The following TMEM260 variants were observed in gnomAD, a reference collection of about 807,000 sequenced individuals.
TMEM260 encodes transmembrane protein 260.
Under a neutral mutation model 88.9 loss-of-function variants are expected in TMEM260, and 82 were observed. That is an observed-to-expected ratio of 0.92 (90% CI 0.77 to 1.11). The LOEUF (loss-of-function observed/expected upper bound fraction) is 1.11. Among genes scored for constraint, TMEM260 ranks in the 50% least tolerant of loss-of-function variants. The probability of loss-of-function intolerance (pLI) is 0.00; values close to 1 mark genes in which losing one functional copy is unlikely to be tolerated. For synonymous variants in TMEM260, 314 were observed against 309.3 expected (o/e 1.02, Z -0.16); for missense variants, 902 against 853.4 (o/e 1.06, Z -0.71).
At chr14:56,582,508 C>G (rs1486021670) in intron 1 of TMEM260, among the ~76,000 whole-genome samples, 1 of 152,188 alleles carries the variant, frequency 6.6e-6, no homozygotes, top group African/African-American at 2.4e-5. Context: ...AAAGGTTAAG[C>G]ATCTGCTGAC....
intron 12 of TMEM260, among the ~76,000 whole-genome samples, chr14:56,630,980 T>C (rs1888554005): frequency 6.6e-6 from 1 of 152,120 alleles, no homozygotes. Flanking sequence ...GCGGCGAGTG[T>C]GTGAGTTACT....
At chr14:56,654,616 C>G (rs1284160489), downstream of TMEM260, among the ~76,000 whole-genome samples, 1 of 151,720 alleles carries the variant, frequency 6.6e-6, no homozygotes, top group African/African-American at 2.4e-5. Flanking sequence ...GTCAGGAGTT[C>G]GAGACCAGCC....
Position 56,603,958 on chromosome 14 carries a change from T to C in TMEM260, c.488T>C (p.Phe163Ser), listed in dbSNP as rs942317318. Residue 163 changes from phenylalanine (F) to serine (S), a missense_variant, in exon 4 of 16, where the codon TTT becomes TCT. By Grantham distance (155) the Phe-to-Ser change is radical. Transcript: ENST00000261556. ...VGLLMALTVH[F>S]EEAATAKERS... The stretch of plus-strand genomic sequence containing the variant: ...CTGCTTATGGCTCTTACTGTACATT[T>C]TGAGGAAGCAGCAACTGCTAAGGAG... The C allele has an allele frequency of 1.3e-6, 2 of 1,596,916 alleles. No homozygotes were observed. Among genetic ancestry groups the C allele is most frequent in the African/African-American group, 2.7e-5 (2 of 73,488 alleles).
chr14:56,628,323 C>A (rs982185801), intron 12 of TMEM260, among the ~76,000 whole-genome samples: 1 of 152,216 alleles, frequency 6.6e-6, no homozygotes, highest in Admixed American at 6.5e-5. Flanking sequence ...TACGCAACCT[C>A]TGTCAAATAT....
At chr14:56,629,653 C>T (rs1888459552) in intron 12 of TMEM260, among the ~76,000 whole-genome samples, 1 of 152,186 alleles carries the variant, frequency 6.6e-6, no homozygotes, top group East Asian at 1.9e-4. Flanking sequence ...TTTCCTTTAT[C>T]TGAAAATGTC....
chr14:56,581,666 T>C (rs1177917567), intron 1 of TMEM260, among the ~76,000 whole-genome samples: 1 of 152,260 alleles, frequency 6.6e-6, no homozygotes, highest in Non-Finnish European at 1.5e-5. Flanking sequence ...ATATGGGTTG[T>C]TGTTTTAACC....
chr14:56,640,907 A>G (rs1428824560), intron 15 of TMEM260, among the ~76,000 whole-genome samples: 1 of 152,192 alleles, frequency 6.6e-6, no homozygotes, highest in Non-Finnish European at 1.5e-5. Flanking sequence ...GCGATGGACA[A>G]TGAAATGAAT....
chr14:56,650,735 G>T, downstream of TMEM260: 1 of 148,712 alleles, frequency 6.7e-6, no homozygotes, highest in Non-Finnish European at 1.5e-5. Flanking sequence ...AAGTCATCAG[G>T]CTAGGATATG....
intron 4 of TMEM260, among the ~76,000 whole-genome samples, chr14:56,605,218 TAGG>T (rs1423807490): frequency 6.6e-6 from 1 of 152,226 alleles, no homozygotes; most frequent in Admixed American, 6.5e-5. Flanking sequence ...ATTTGTTTAA[TAGG>T]AGAAAAAACA....
chr14:56,612,252 C>A lies in TMEM260; in HGVS notation c.824C>A (p.Ser275Tyr), dbSNP rs761396767. 6.2e-7 allele frequency: 1 copy of A among 1,613,526 alleles called. No individual in the cohort carries two copies. Among genetic ancestry groups the A allele is most frequent in the Non-Finnish European group, 8.5e-7 (1 of 1,179,556 alleles). The change falls in exon 7 of 16, where the codon TCT (serine) becomes TAT (tyrosine). Residue 275 changes from serine (S) to tyrosine (Y), a missense_variant. By Grantham distance (144) the Ser-to-Tyr change is moderately radical (BLOSUM62 -2). Transcript: ENST00000261556. Reference protein sequence around the residue: ...EEYGTFSLAKSEIGSSMSEIL... With the variant: ...EEYGTFSLAKYEIGSSMSEIL... ...TTTGTCTTTTGTGTTTAGGCCAAAT[C>A]TGAAATAGGATCCAGTATGTCTGAA...
In TMEM260 at chr14:56,647,346, C is replaced by T. The variant is rs1890031499; in HGVS notation, c.1973C>T (p.Ala658Val). ...ATGCTGCGTCTTCAGGCAAGAGATG[C>T]AGATCCTGAAGTGCTGTTATCGGAA... ...ERMLRLQARD[A>V]DPEVLLSETI... Residue 658 changes from alanine to valine, a missense_variant, in exon 16 of 16, where the codon GCA (alanine) becomes GTA (valine). Transcript: ENST00000261556. 6.2e-7 allele frequency: 1 copy of T among 1,614,188 alleles called. No homozygotes were observed. The highest frequency in any genetic ancestry group is 8.5e-7 in the Non-Finnish European group (1 of 1,180,038).
the TMEM260 span, among the ~76,000 whole-genome samples, chr14:56,661,332 C>T: frequency 6.6e-6 from 1 of 152,110 alleles, no homozygotes; most frequent in South Asian, 2.1e-4. Context: ...AGGGGAGAAA[C>T]CACAAAGCCT....
intron 3 of TMEM260, among the ~76,000 whole-genome samples, chr14:56,600,213 G>A (rs544952787): frequency 1.3e-5 from 2 of 152,098 alleles, no homozygotes; most frequent in Admixed American, 6.5e-5. Context: ...TTCATATTCC[G>A]TATATCCTAT....
chr14:56,625,621 A>C (rs747021235), intron 12 of TMEM260, 91 bp downstream of exon 12: 12 of 954,496 alleles, frequency 1.3e-5, no homozygotes, highest in Non-Finnish European at 1.7e-5. Context: ...CAAAAGACCA[A>C]TTTTCTCTGC....
chr14:56,644,724 A>G (rs372538080), intron 15 of TMEM260, among the ~76,000 whole-genome samples: 29 of 152,310 alleles, frequency 1.9e-4, no homozygotes, highest in African/African-American at 6.3e-4. Context: ...CAACCTACAG[A>G]ATGGGAGAAA....
chr14:56,625,870 C>G (rs1263429459), intron 12 of TMEM260, among the ~76,000 whole-genome samples: 1 of 152,100 alleles, frequency 6.6e-6, no homozygotes, highest in East Asian at 1.9e-4. Context: ...ACTATGGCCC[C>G]CCTTTTAAGT....
At chr14:56,587,848 C>T (rs1183058757) in intron 3 of TMEM260, among the ~76,000 whole-genome samples, 1 of 152,046 alleles carries the variant, frequency 6.6e-6, no homozygotes, top group East Asian at 1.9e-4. Flanking sequence ...GAGAAGCCAT[C>T]TCTATGGTAA....
chr14:56,642,521 A>G (rs1889673923), intron 15 of TMEM260, among the ~76,000 whole-genome samples: 1 of 152,224 alleles, frequency 6.6e-6, no homozygotes, highest in Admixed American at 6.5e-5. Context: ...GTGTGGAGGG[A>G]AATTTATAGC....
At chr14:56,603,009 GGAAATA>G (rs1886670428) in intron 3 of TMEM260, among the ~76,000 whole-genome samples, 1 of 152,020 alleles carries the variant, frequency 6.6e-6, no homozygotes, top group Admixed American at 6.6e-5. Context: ...AGATTAATAA[GGAAATA>G]GAAAGTTGTT....
Sources: gnomAD v4.1 joint callset for allele counts (sites outside exome capture counted in the v4.1 genomes callset) on GRCh38, gnomAD v4.1.1 for gene constraint, MANE v1.5 for transcripts, NCBI Gene and HGNC (gene_info 2026-07-23, HGNC 2026-07-21) for gene names.